SIRT2: variants seen among roughly 807,000 people sequenced by gnomAD.
SIRT2 encodes sirtuin 2, also known as NAD-dependent protein deacetylase sirtuin-2.
In SIRT2, 40 loss-of-function variants were observed where a neutral mutation model predicts 57.4. That is an observed-to-expected ratio of 0.70 (90% CI 0.54 to 0.91). The LOEUF (loss-of-function observed/expected upper bound fraction) is 0.91, where lower values mean the gene tolerates loss of function less well. Among genes scored for constraint, SIRT2 ranks in the 40% least tolerant of loss-of-function variants. The pLI is 0.00. For synonymous variants in SIRT2, 161 were observed against 195.7 expected, an observed-to-expected ratio of 0.82 and a Z score of 1.48; for missense variants, 439 against 510.4, an observed-to-expected ratio of 0.86 and a Z score of 1.35.
chr19:38,881,319 C>G (rs1973146978), intron 10 of SIRT2, 113 bp downstream of exon 10: 2 of 1,201,334 alleles, frequency 1.7e-6, no homozygotes, highest in African/African-American at 3.0e-5. Context: ...GGGCACTGTT[C>G]AGAGAGACAG....
Position 38,897,485 on chromosome 19 carries a change from C to G in SIRT2, c.63+894G>C, listed in dbSNP as rs531627149. 2.6e-5 allele frequency among the ~76,000 whole-genome samples: 4 copies of G among 152,012 alleles called. No homozygotes were observed. The South Asian group carries it at 6.2e-4, about 24-fold the overall frequency. Reference sequence around the variant, plus strand: ...AATCTTCTTTGACCCAGAAAATTTTCTCTGTGCTCCCACAGTACCCTGAGT... The same window carrying G: ...AATCTTCTTTGACCCAGAAAATTTTGTCTGTGCTCCCACAGTACCCTGAGT... On this transcript the variant is annotated intron_variant, in intron 2 of 15. Transcript: ENST00000249396.
At chr19:38,888,804 G>A (rs1488848515) in intron 8 of SIRT2, among the ~76,000 whole-genome samples, 1 of 152,208 alleles carries the variant, frequency 6.6e-6, no homozygotes, top group Non-Finnish European at 1.5e-5. Context: ...TCACACATGG[G>A]ATGGCCCTGA....
Position 38,879,004 on chromosome 19 carries a change from G to T in SIRT2, c.*151C>A. The T allele has an allele frequency of 1.3e-6, 1 of 769,862 alleles. No individual in the cohort carries two copies. The highest frequency in any genetic ancestry group is 2.0e-6 in the Non-Finnish European group (1 of 503,422). The allele number at this position is 769,862 out of a possible 1,614,324, so 47.7% of individuals were successfully genotyped here. A position where few individuals can be genotyped will look rare whatever the true frequency, so the allele number is the denominator to read the frequency against. ...TTTGCTGGGGTTGGGGGCCAGGGTT[G>T]CTGGGACCCCAGTTTTGGGGAGGGA... is the stretch of plus-strand genomic sequence containing the variant. On this transcript the variant is annotated 3_prime_UTR_variant, in exon 16 of 16. Coordinates refer to ENST00000249396, the MANE Select transcript of SIRT2 (RefSeq NM_012237.4).
At chr19:38,885,627 T>C (rs948473262) in intron 8 of SIRT2, among the ~76,000 whole-genome samples, 11 of 148,310 alleles carry the variant, frequency 7.4e-5, no homozygotes, top group African/African-American at 2.7e-4. Flanking sequence ...AGTCTTGCTC[T>C]GTTGCCAGGC....
intron 4 of SIRT2, among the ~76,000 whole-genome samples, chr19:38,892,765 G>A (rs1973584502): frequency 6.6e-6 from 1 of 151,648 alleles, no homozygotes; most frequent in Non-Finnish European, 1.5e-5. Context: ...AGAGATGGCG[G>A]GGGGGTCTCA....
In SIRT2 at chr19:38,893,459, C is replaced by T. The variant is rs920534440; in HGVS notation, c.181G>A (p.Glu61Lys). 3 of 1,614,050 alleles carry T rather than the reference C, an allele frequency of 1.9e-6. No homozygotes were observed. Among genetic ancestry groups the T allele is most frequent in the Admixed American group, 1.7e-5 (1 of 60,020 alleles). Residue 61 changes from glutamate to lysine, a missense_variant, in exon 4 of 16, where the codon GAG (glutamate) becomes AAG (lysine). Transcript: ENST00000249396. ...LGSQKERLLDELTLEGVARYM... is the reference protein window; with the variant it reads ...LGSQKERLLDKLTLEGVARYM... Reference sequence around the variant, plus strand: ...CGGGCCACCCCTTCCAAGGTCAGCTCGTCCAGCAGACGCTCCTTCTGGCTG... The same window carrying T: ...CGGGCCACCCCTTCCAAGGTCAGCTTGTCCAGCAGACGCTCCTTCTGGCTG...
chr19:38,883,801 C>G (rs1326811736), intron 8 of SIRT2, 45 bp from the exon 9 acceptor site: 1 of 1,604,986 alleles, frequency 6.2e-7, no homozygotes, highest in Non-Finnish European at 8.5e-7. Context: ...GTGAGCCACC[C>G]CTTGTAGGCC....
intron 13 of SIRT2, 115 bp from the exon 14 acceptor site, chr19:38,879,817 TTG>T: frequency 5.4e-5 from 40 of 746,340 alleles, no homozygotes; most frequent in Non-Finnish European, 7.9e-5. Flanking sequence ...TGTTTTTTTT[TTG>T]TTGTTGTTTT....
intron 9 of SIRT2, among the ~76,000 whole-genome samples, chr19:38,883,075 GTTTT>G (rs61706756): frequency 1.8e-5 from 2 of 110,404 alleles, no homozygotes; most frequent in Admixed American, 9.3e-5. Context: ...GTGACTTCTT[GTTTT>G]TTTTTTTTTT....
intron 2 of SIRT2, chr19:38,894,800 T>A: frequency 2.2e-6 from 1 of 456,050 alleles, no homozygotes; most frequent in South Asian, 1.5e-5. Flanking sequence ...GTCCAGGGCC[T>A]CTCTGCTTTC....
At chr19:38,885,967 G>A (rs993831078) in intron 8 of SIRT2, among the ~76,000 whole-genome samples, 3 of 152,054 alleles carry the variant, frequency 2.0e-5, no homozygotes, top group Non-Finnish European at 2.9e-5. Flanking sequence ...ATTTGTGCGC[G>A]CTCATTTTTC....
At position 38,880,892 on chromosome 19, in the gene SIRT2, G is replaced by A; in HGVS notation, c.753C>T (p.Phe251=). ...TGACCAGGAGGAGGTCCACCTTCAG[G>A]AAGTCCTGCGGGGAGGGGCGTGAGC... The part of the protein sequence containing the change: ...ARFFSCMQSD[F]LKVDLLLVMG... Residue 251 remains phenylalanine (F), a synonymous_variant, in exon 12 of 16, where the codon TTC becomes TTT. Transcript: ENST00000249396. This position sits in a 1 kb window ranked among gnomAD's most constrained non-coding sequence, Gnocchi z 4.1. 1 of 1,613,544 alleles carries A rather than the reference G, an allele frequency of 6.2e-7. No individual in the cohort carries two copies. Among genetic ancestry groups the A allele is most frequent in the East Asian group, 2.2e-5 (1 of 44,878 alleles).
Position 38,893,801 on chromosome 19 carries a change from C to G in SIRT2, c.112+18G>C. 6.2e-7 allele frequency: 1 copy of G among 1,613,944 alleles called. No individual in the cohort carries two copies. The highest frequency in any genetic ancestry group is 1.3e-5 in the African/African-American group (1 of 75,040). ...CCCCCCAGAACCCTGCTCCCTGTCC[C>G]TCCAGGAAGATACTCACTGTCTGCT... is the stretch of plus-strand genomic sequence containing the variant. On this transcript the variant is annotated intron_variant, in intron 3 of 15. Transcript: ENST00000249396.
chr19:38,888,650 G>A (rs1406968039), intron 8 of SIRT2, among the ~76,000 whole-genome samples: 2 of 152,162 alleles, frequency 1.3e-5, no homozygotes, highest in Non-Finnish European at 2.9e-5. Flanking sequence ...CTTCCTTAAG[G>A]CACAACATCT....
chr19:38,897,925 A>G (rs1411147206), intron 2 of SIRT2, among the ~76,000 whole-genome samples: 3 of 152,146 alleles, frequency 2.0e-5, no homozygotes, highest in Admixed American at 6.6e-5. Flanking sequence ...TGCAGCCTCA[A>G]ACTCCTGGGC....
Position 38,893,506 on chromosome 19 carries a change from A to C in SIRT2, c.134T>G (p.Phe45Cys). The C allele has an allele frequency of 6.2e-7, 1 of 1,613,270 alleles. No individual in the cohort carries two copies. Among genetic ancestry groups the C allele is most frequent in the Non-Finnish European group, 8.5e-7 (1 of 1,179,454 alleles). The change falls in exon 4 of 16, where the codon TTC becomes TGC. Residue 45 changes from phenylalanine to cysteine, a missense_variant. Physicochemically the swap from Phe to Cys is radical, Grantham distance 205 (BLOSUM62 -2). Transcript: ENST00000249396. ...GCTGCCCAGGCTGAGCGTCTGGGAG[A>C]ATAAGTTCCGCAGGAAGTCCACTGA... The part of the protein sequence containing the change: ...EADMDFLRNL[F>C]SQTLSLGSQK...
At chr19:38,882,671 T>C (rs1281528421) in intron 9 of SIRT2, among the ~76,000 whole-genome samples, 1 of 150,724 alleles carries the variant, frequency 6.6e-6, no homozygotes, top group East Asian at 2.0e-4. Flanking sequence ...AGCATTTCTG[T>C]CACTTGCAAC....
rs1973008400 is a variant in SIRT2 at position 38,878,561 on chromosome 19, T to C, written c.*594A>G. On this transcript the variant is annotated 3_prime_UTR_variant, in exon 16 of 16. Transcript: ENST00000249396. ...AAAGAAACAGGAGGCCAGACCGGAT[T>C]GTTAGTTGTTTTTGTTTTTAATTTG... 6.6e-6 allele frequency: 1 copy of C among 152,184 alleles called. No homozygotes were observed. Among genetic ancestry groups the C allele is most frequent in the African/African-American group, 2.4e-5 (1 of 41,424 alleles). 9.4% of individuals were successfully genotyped at this position (152,184 alleles called of 1,614,324 possible). A position where few individuals can be genotyped will look rare whatever the true frequency, so the allele number is the denominator to read the frequency against.
At chr19:38,879,737 G>A (rs1400897597) in intron 13 of SIRT2, 35 bp from the exon 14 acceptor site, 2 of 1,514,732 alleles carry the variant, frequency 1.3e-6, no homozygotes, top group Non-Finnish European at 1.8e-6. Context: ...GGCAGGAGCA[G>A]GGAAGGGAGA....
Sources: allele counts gnomAD v4.1 joint callset (sites outside exome capture counted in the v4.1 genomes callset), GRCh38; gene constraint gnomAD v4.1.1; non-coding constraint Gnocchi (gnomAD v3.1); transcripts MANE v1.5; gene names NCBI Gene and HGNC (gene_info 2026-07-23, HGNC 2026-07-21).